Variants in TUSC3 observed in about 807,000 individuals in gnomAD.
TUSC3 encodes the protein dolichyl-diphosphooligosaccharide--protein glycosyltransferase subunit TUSC3.
A neutral mutation model predicts 44.8 loss-of-function variants in TUSC3; 45 were observed. The observed-to-expected ratio is 1.00, with a 90% confidence interval of 0.79 to 1.29. The LOEUF is 1.29. TUSC3 is among the 50% of genes most tolerant of loss of function. TUSC3 has a pLI of 0.00. For synonymous variants in TUSC3, 212 were observed against 152.9 expected (o/e 1.39, Z -2.85); for missense variants, 519 against 437.9 (o/e 1.19, Z -1.65).
intron 2 of TUSC3, among the ~76,000 whole-genome samples, chr8:15,645,319 C>T (rs1806573819): frequency 6.6e-6 from 1 of 152,160 alleles, no homozygotes; most frequent in Non-Finnish European, 1.5e-5. Context: ...AATACACATT[C>T]CAGACAGGGT....
intron 1 of TUSC3, among the ~76,000 whole-genome samples, chr8:15,596,116 G>A (rs1804055177): frequency 6.6e-6 from 1 of 152,104 alleles, no homozygotes; most frequent in African/African-American, 2.4e-5. Context: ...TTTACAAGAG[G>A]CGTTAACAAA....
chr8:15,516,189 C>T (rs976626396), intron 2 of TUSC3, among the ~76,000 whole-genome samples: 6 of 152,120 alleles, frequency 3.9e-5, no homozygotes, highest in African/African-American at 4.8e-5. Flanking sequence ...AGATACTTCA[C>T]TGATCTTAGA....
At chr8:15,800,963 T>C in the TUSC3 span, among the ~76,000 whole-genome samples, 1 of 152,276 alleles carries the variant, frequency 6.6e-6, no homozygotes, top group East Asian at 1.9e-4. Context: ...TGAGCTCTTA[T>C]TACATGCCTG....
chr8:15,589,739 A>T (rs756269967), intron 1 of TUSC3, among the ~76,000 whole-genome samples: 5 of 152,172 alleles, frequency 3.3e-5, no homozygotes, highest in Non-Finnish European at 5.9e-5. Context: ...TATAACCATT[A>T]TCATCTTACA....
intron 2 of TUSC3, among the ~76,000 whole-genome samples, chr8:15,510,021 A>G (rs993065411): frequency 7.2e-5 from 11 of 152,146 alleles, no homozygotes; most frequent in Non-Finnish European, 1.5e-4. Flanking sequence ...AATAAAAAGA[A>G]AAATAGCGAG....
intron 2 of TUSC3, among the ~76,000 whole-genome samples, chr8:15,524,542 C>A (rs868060310): frequency 6.6e-6 from 1 of 152,034 alleles, no homozygotes. Flanking sequence ...GAAATGATAT[C>A]CAATATTAAT....
intron 6 of TUSC3, among the ~76,000 whole-genome samples, chr8:15,677,188 T>C (rs796575232): frequency 7.9e-5 from 12 of 152,106 alleles, no homozygotes; most frequent in African/African-American, 2.9e-4. Flanking sequence ...CCCCAAGAAA[T>C]AGGGTCTCAC....
intron 1 of TUSC3, among the ~76,000 whole-genome samples, chr8:15,479,958 G>A (rs1800636666): frequency 6.6e-6 from 1 of 152,068 alleles, no homozygotes; most frequent in South Asian, 2.1e-4. Flanking sequence ...CAAAGTCTCA[G>A]GATACAAAAT....
the TUSC3 span, among the ~76,000 whole-genome samples, chr8:15,819,416 C>T: frequency 6.6e-6 from 1 of 152,208 alleles, no homozygotes; most frequent in East Asian, 1.9e-4. Flanking sequence ...CTCTCCATCA[C>T]CTCATCCTTC....
At chr8:15,806,269 G>C in the TUSC3 span, 1 of 616,904 alleles carries the variant, frequency 1.6e-6, no homozygotes, top group Non-Finnish European at 3.1e-6. Context: ...GGCAGTCTGG[G>C]GATGTTCTCA....
chr8:15,437,372 C>T (rs561037874), intron 1 of TUSC3, among the ~76,000 whole-genome samples: 5 of 152,116 alleles, frequency 3.3e-5, no homozygotes, highest in Non-Finnish European at 7.4e-5. Context: ...TTTATTTTTC[C>T]TAATGTTTCT....
the TUSC3 span, among the ~76,000 whole-genome samples, chr8:15,802,505 T>C: frequency 2.0e-5 from 3 of 152,130 alleles, no homozygotes; most frequent in Non-Finnish European, 2.9e-5. Flanking sequence ...CACTGCAACC[T>C]CTGCCTCCCG....
chr8:15,758,192 G>C, intron 10 of TUSC3: 1 of 1,023,958 alleles, frequency 9.8e-7, no homozygotes, highest in Non-Finnish European at 1.2e-6. Context: ...TTCTATCTAG[G>C]AAAAATGTAG....
At position 15,730,726 on chromosome 8, in the gene TUSC3, C is replaced by T. The variant is rs151322378; in HGVS notation, c.859C>T (p.Leu287=). ...FVAESHIILV[L]NAAITMGMVL... is the part of the protein sequence containing the mutation. ...GGCAGAATCACACATTATTCTGGTA[C>T]TGAGTATCCTTTTAAGATACCGACG... The change falls in exon 7 of 11, where the codon CTG becomes TTG. Residue 287 remains leucine, a synonymous_variant. Transcript: ENST00000503731. The T allele has an allele frequency of 6.2e-7, 1 of 1,612,884 alleles. No individual in the cohort carries two copies. Among genetic ancestry groups the T allele is most frequent in the Non-Finnish European group, 8.5e-7 (1 of 1,179,238 alleles).
At chr8:15,767,882 G>GCT (rs1471628459), downstream of TUSC3, among the ~76,000 whole-genome samples, 1 of 152,148 alleles carries the variant, frequency 6.6e-6, no homozygotes, top group Non-Finnish European at 1.5e-5. Flanking sequence ...GGAAGGAAAA[G>GCT]CTGGATAGTG....
intron 1 of TUSC3, among the ~76,000 whole-genome samples, chr8:15,427,843 G>C (rs979205362): frequency 6.6e-6 from 1 of 152,096 alleles, no homozygotes; most frequent in African/African-American, 2.4e-5. Flanking sequence ...ATGTCAAGAA[G>C]CTTTTCCCCT....
In TUSC3 at chr8:15,562,876, C is replaced by G. The variant is rs7841693; in HGVS notation, c.138+22308C>G. ...TTAGGTGAGGCTAATCCAGGATAATCTCTCATTTAAATAACTCAGAGTTAA... is the reference window on the plus strand; with the variant it reads ...TTAGGTGAGGCTAATCCAGGATAATGTCTCATTTAAATAACTCAGAGTTAA... On this transcript the variant is annotated intron_variant, in intron 1 of 10. Transcript: ENST00000503731. 4.4e-3 allele frequency among the ~76,000 whole-genome samples: 663 copies of G among 152,220 alleles called. 7 individuals are homozygous for G. Among genetic ancestry groups the G allele is most frequent in the African/African-American group, 0.015 (637 of 41,524 alleles).
downstream of TUSC3, among the ~76,000 whole-genome samples, chr8:15,769,061 TAGAA>T (rs1025696266): frequency 2.0e-5 from 3 of 152,094 alleles, no homozygotes; most frequent in African/African-American, 7.2e-5. Context: ...TTTATAGAAT[TAGAA>T]AGAAACTACT....
chr8:15,608,635 C>G (rs1482437732), intron 1 of TUSC3, among the ~76,000 whole-genome samples: 2 of 152,038 alleles, frequency 1.3e-5, no homozygotes, highest in African/African-American at 4.8e-5. Context: ...CCATGTTGTT[C>G]TTGTGATAGT....
Sources: allele counts gnomAD v4.1 joint callset (sites outside exome capture counted in the v4.1 genomes callset), GRCh38; gene constraint gnomAD v4.1.1; transcripts MANE v1.5; gene names NCBI Gene and HGNC (gene_info 2026-07-23, HGNC 2026-07-21).